TTC7B: variants seen among roughly 807,000 people sequenced by gnomAD.
The protein encoded by TTC7B is tetratricopeptide repeat domain 7B.
Under a neutral mutation model 106.8 loss-of-function variants are expected in TTC7B, and 28 were observed. The observed-to-expected ratio is 0.26, with a 90% CI of 0.19 to 0.36. The LOEUF (loss-of-function observed/expected upper bound fraction) is 0.36. Among genes scored for constraint, TTC7B ranks in the 10% least tolerant of loss-of-function variants. The pLI, the probability that TTC7B is intolerant of heterozygous loss-of-function variation, is 1.00. For missense variants in TTC7B, 862 were observed against 1,076.4 expected (o/e 0.80, Z 2.79); for synonymous variants, 405 against 430.6 (o/e 0.94, Z 0.74).
intron 7 of TTC7B, among the ~76,000 whole-genome samples, chr14:90,682,423 A>G (rs1374204011): frequency 6.6e-6 from 1 of 152,170 alleles, no homozygotes; most frequent in Non-Finnish European, 1.5e-5. Context: ...GGGGGAGAAA[A>G]GGTAGTTTTA....
At chr14:90,725,321 T>C (rs1237533560) in intron 5 of TTC7B, among the ~76,000 whole-genome samples, 1 of 152,006 alleles carries the variant, frequency 6.6e-6, no homozygotes, top group Non-Finnish European at 1.5e-5. Flanking sequence ...CACAATCACA[T>C]GGGATGTGGG....
At position 90,578,135 on chromosome 14, in the gene TTC7B, G is replaced by C; in HGVS notation, c.2281C>G (p.Pro761Ala). ...RWYEEALAIS[P>A]THVKSMQRLA... Reference sequence around the variant, plus strand: ...CGCTGCATGCTCTTCACGTGGGTGGGGCTGATGGCTAAGGCCTCTTCATAC... The same window carrying C: ...CGCTGCATGCTCTTCACGTGGGTGGCGCTGATGGCTAAGGCCTCTTCATAC... The change falls in exon 19 of 20, where the codon CCC (proline) becomes GCC (alanine). Residue 761 changes from proline to alanine, a missense_variant. Physicochemically the swap from Pro to Ala is conservative, Grantham distance 27 (BLOSUM62 -1). Coordinates refer to ENST00000328459, the MANE Select transcript of TTC7B (RefSeq NM_001010854.2). This position sits in a 1 kb window ranked among gnomAD's most constrained non-coding sequence, Gnocchi z 4.7. The C allele has an allele frequency of 6.2e-7, 1 of 1,612,570 alleles. No homozygotes were observed.
intron 6 of TTC7B, among the ~76,000 whole-genome samples, chr14:90,692,624 A>C (rs1887520038): frequency 6.6e-6 from 1 of 152,220 alleles, no homozygotes; most frequent in Non-Finnish European, 1.5e-5. Context: ...GCGCTTTTAA[A>C]ACAATTACGA....
At chr14:90,705,022 T>G (rs1413889724) in intron 5 of TTC7B, among the ~76,000 whole-genome samples, 1 of 152,222 alleles carries the variant, frequency 6.6e-6, no homozygotes, top group East Asian at 1.9e-4. Context: ...GGGAATAAGC[T>G]ATTTCAAGCC....
chr14:90,539,529 C>T lies in TTC7B; in HGVS notation c.*1839G>A, dbSNP rs1267624693. On this transcript the variant is annotated 3_prime_UTR_variant, in exon 20 of 20. Coordinates refer to ENST00000328459, the MANE Select transcript of TTC7B (RefSeq NM_001010854.2). ...CAAGTGCTGCCTGGCAGGGTCAGTG[C>T]TGAGGCTGGGGCTCCTACCTACTGT... 6.6e-6 allele frequency: 1 copy of T among 152,450 alleles called. No individual in the cohort carries two copies. Among genetic ancestry groups the T allele is most frequent in the Admixed American group, 6.5e-5 (1 of 15,292 alleles). The allele number at this position is 152,450 out of a possible 1,614,324, so 9.4% of individuals were successfully genotyped here.
intron 14 of TTC7B, 97 bp from the exon 15 acceptor site, chr14:90,644,305 T>C: frequency 8.4e-7 from 1 of 1,195,882 alleles, no homozygotes; most frequent in Non-Finnish European, 1.1e-6. Flanking sequence ...ATCTTTTCAA[T>C]GTCTGCTTCT....
Position 90,680,520 on chromosome 14 carries a change from T to G in TTC7B, c.966A>C (p.Gln322His). The change falls in exon 8 of 20, where the codon CAA becomes CAC. Residue 322 changes from glutamine (Q) to histidine (H), a missense_variant. Physicochemically the swap from Gln to His is conservative, Grantham distance 24 (BLOSUM62 0). Transcript: ENST00000328459. ...ACAACAGGGCTTCTTCCGTATTTTC[T>G]TGAGGACAAAAAATGCTGCAGTTGA... Reference protein sequence around the residue: ...VYSGENIFCPQENTEEALLLL... With the variant: ...VYSGENIFCPHENTEEALLLL... The G allele has an allele frequency of 6.2e-7, 1 of 1,613,902 alleles. No individual in the cohort carries two copies. Among genetic ancestry groups the G allele is most frequent in the Non-Finnish European group, 8.5e-7 (1 of 1,179,890 alleles).
chr14:90,733,660 C>T (rs1023778267), intron 4 of TTC7B, among the ~76,000 whole-genome samples: 2 of 152,178 alleles, frequency 1.3e-5, no homozygotes. Context: ...CCTTAACAAG[C>T]GCAGCTGGCT....
intron 18 of TTC7B, among the ~76,000 whole-genome samples, chr14:90,592,905 G>A (rs1039360005): frequency 2.0e-5 from 3 of 152,202 alleles, no homozygotes; most frequent in Admixed American, 6.5e-5. Context: ...GGGCAGAGGA[G>A]CATAGGATCA....
In TTC7B at chr14:90,539,007, C is replaced by T. The variant is rs1334215291; in HGVS notation, c.*2361G>A. On this transcript the variant is annotated 3_prime_UTR_variant, in exon 20 of 20. Coordinates refer to ENST00000328459, the MANE Select transcript of TTC7B (RefSeq NM_001010854.2). ...GGACATCAAACCCAGCAGAAAGAGG[C>T]TTTTTTTCTAATGTTTTCATAACAA... 6.6e-6 allele frequency: 1 copy of T among 152,144 alleles called. No homozygotes were observed. The highest frequency in any genetic ancestry group is 1.5e-5 in the Non-Finnish European group (1 of 68,046). 9.4% of individuals were successfully genotyped at this position (152,144 alleles called of 1,614,324 possible).
chr14:90,720,336 T>C lies in TTC7B; in HGVS notation c.698+9739A>G, dbSNP rs532500635. The stretch of plus-strand genomic sequence containing the variant: ...TTCCTCCTCAATGCTGTAACTATCT[T>C]AGGCTATAGTTATACATCCAAGAGT... On this transcript the variant is annotated intron_variant, in intron 5 of 19. Transcript: ENST00000328459. 3.3e-5 allele frequency among the ~76,000 whole-genome samples: 5 copies of C among 152,294 alleles called. No individual in the cohort carries two copies. The East Asian group carries it at 9.6e-4, about 29-fold the overall frequency.
chr14:90,707,922 G>A (rs1309877382), intron 5 of TTC7B, among the ~76,000 whole-genome samples: 10 of 152,086 alleles, frequency 6.6e-5, no homozygotes, highest in African/African-American at 1.4e-4. Context: ...CGAGGCGGGC[G>A]GATCACGAGG....
intron 5 of TTC7B, among the ~76,000 whole-genome samples, chr14:90,727,778 A>G (rs892480174): frequency 3.9e-5 from 6 of 152,252 alleles, no homozygotes; most frequent in African/African-American, 1.4e-4. Context: ...GTATTTTCCT[A>G]CTACTGAAAA....
In TTC7B at chr14:90,719,058, C is replaced by T. The variant is rs529632001; in HGVS notation, c.698+11017G>A. On this transcript the variant is annotated intron_variant, in intron 5 of 19. Transcript: ENST00000328459. The stretch of plus-strand genomic sequence containing the variant: ...GGCAGATCACTTGAGCCCAGGAGTT[C>T]GAGACCAGCCTGGGCAATGTGGTGA... Among the ~76,000 whole-genome samples, 13 of 152,052 alleles carry T rather than the reference C, an allele frequency of 8.5e-5. No homozygotes were observed. In the East Asian group the frequency reaches 1.6e-3, roughly 18 times the overall value.
At chr14:90,573,142 T>A (rs1452512880) in intron 19 of TTC7B, among the ~76,000 whole-genome samples, 1 of 152,194 alleles carries the variant, frequency 6.6e-6, no homozygotes. Flanking sequence ...CCTTGGAAAC[T>A]TCATTTAAGG....
At chr14:90,804,224 C>G (rs2030462074) in intron 1 of TTC7B, among the ~76,000 whole-genome samples, 1 of 151,950 alleles carries the variant, frequency 6.6e-6, no homozygotes, top group Non-Finnish European at 1.5e-5. Flanking sequence ...GTCCCAGCTA[C>G]TCGGGAGGCT....
intron 3 of TTC7B, among the ~76,000 whole-genome samples, chr14:90,754,914 TC>T (rs1418549245): frequency 6.6e-6 from 1 of 152,216 alleles, no homozygotes; most frequent in African/African-American, 2.4e-5. Context: ...CAGAACTTCA[TC>T]CTTTTTTTTC....
At chr14:90,580,712 G>T (rs1219507226) in intron 18 of TTC7B, among the ~76,000 whole-genome samples, 1 of 152,220 alleles carries the variant, frequency 6.6e-6, no homozygotes, top group Non-Finnish European at 1.5e-5. Flanking sequence ...TCAGGGCCCA[G>T]ATGGATCCCG....
At chr14:90,729,581 G>A (rs540467727) in intron 5 of TTC7B, among the ~76,000 whole-genome samples, 19 of 152,290 alleles carry the variant, frequency 1.2e-4, no homozygotes, top group African/African-American at 4.3e-4. Context: ...TGTCCCTCCC[G>A]TTCATGTCCT....
Sources: allele counts gnomAD v4.1 joint callset (sites outside exome capture counted in the v4.1 genomes callset), GRCh38; gene constraint gnomAD v4.1.1; non-coding constraint Gnocchi (gnomAD v3.1); transcripts MANE v1.5; gene names NCBI Gene and HGNC (gene_info 2026-07-23, HGNC 2026-07-21).